The following CDH12 variants were observed in gnomAD, a reference collection of about 807,000 sequenced individuals.
CDH12 encodes cadherin 12, also known as cadherin-12.
Under a neutral mutation model 74.1 loss-of-function variants are expected in CDH12, and 41 were observed. That is an observed-to-expected ratio of 0.55 (90% CI 0.43 to 0.72). The LOEUF (loss-of-function observed/expected upper bound fraction) is 0.72. CDH12 is among the 30% of genes least tolerant of loss of function. The pLI, the probability that CDH12 is intolerant of heterozygous loss-of-function variation, is 0.00. For synonymous variants in CDH12, 399 were observed against 355.0 expected, an observed-to-expected ratio of 1.12 and a Z score of -1.39; for missense variants, 945 against 977.2, an observed-to-expected ratio of 0.97 and a Z score of 0.44.
At chr5:22,442,900 T>A (rs1426013489) in intron 2 of CDH12, among the ~76,000 whole-genome samples, 1 of 152,176 alleles carries the variant, frequency 6.6e-6, no homozygotes. Flanking sequence ...TTTAAGTTAC[T>A]TGTGATATAA....
At chr5:22,110,509 T>C (rs1421632009) in intron 4 of CDH12, among the ~76,000 whole-genome samples, 1 of 151,844 alleles carries the variant, frequency 6.6e-6, no homozygotes, top group East Asian at 1.9e-4. Flanking sequence ...CACTCACTTC[T>C]GATTGGAAGA....
intron 3 of CDH12, among the ~76,000 whole-genome samples, chr5:22,249,054 T>A (rs1753051366): frequency 6.6e-6 from 1 of 152,190 alleles, no homozygotes; most frequent in South Asian, 2.1e-4. Flanking sequence ...ATGATAAATC[T>A]ATATGCTCTT....
intron 1 of CDH12, among the ~76,000 whole-genome samples, chr5:22,852,338 T>A (rs888879831): frequency 6.6e-6 from 1 of 152,232 alleles, no homozygotes; most frequent in African/African-American, 2.4e-5. Flanking sequence ...TATAAAATGC[T>A]GAAGGTCTTT....
intron 5 of CDH12, among the ~76,000 whole-genome samples, chr5:22,057,283 T>C (rs374897707): frequency 5.3e-5 from 8 of 152,192 alleles, no homozygotes; most frequent in African/African-American, 1.2e-4. Flanking sequence ...AGTTTGCCAA[T>C]CACTTATCTA....
chr5:22,078,590 C>G lies in CDH12; in HGVS notation c.87G>C (p.Gln29His). The change falls in exon 5 of 15, where the codon CAG becomes CAC. Residue 29 changes from glutamine to histidine, a missense_variant. By Grantham distance (24) the Gln-to-His change is conservative (BLOSUM62 0). Transcript: ENST00000382254. ...TTTCTCTTGGCTCTGTGGCTAAAGT[C>G]TGCTGTGGCTGTGGTTGTAGTGGTG... Reference protein sequence around the residue: ...LLTPLQPQPQQTLATEPRENV... With the variant: ...LLTPLQPQPQHTLATEPRENV... 1 of 1,613,970 alleles carries G rather than the reference C, an allele frequency of 6.2e-7. No individual in the cohort carries two copies. Among genetic ancestry groups the G allele is most frequent in the Admixed American group, 1.7e-5 (1 of 59,986 alleles).
At chr5:21,901,125 T>A (rs1017097245) in intron 6 of CDH12, among the ~76,000 whole-genome samples, 3 of 152,190 alleles carry the variant, frequency 2.0e-5, no homozygotes, top group Non-Finnish European at 4.4e-5. Context: ...TGATACATTT[T>A]ATAGTACACA....
intron 2 of CDH12, among the ~76,000 whole-genome samples, chr5:22,500,716 C>G (rs1412886475): frequency 1.3e-5 from 2 of 152,234 alleles, no homozygotes; most frequent in African/African-American, 2.4e-5. Context: ...TCCATATTCC[C>G]TTACGAGGTT....
At chr5:22,280,121 T>C (rs1411921238) in intron 3 of CDH12, among the ~76,000 whole-genome samples, 1 of 152,210 alleles carries the variant, frequency 6.6e-6, no homozygotes. Flanking sequence ...ATTTCTCTGA[T>C]GTCCAGTAAT....
chr5:21,843,303 C>T (rs4235534), intron 7 of CDH12, among the ~76,000 whole-genome samples: 10,133 of 152,100 alleles, frequency 0.067, 408 homozygotes, highest in East Asian at 0.14. Context: ...ATAATATCAA[C>T]AAAAATAAAT....
intron 5 of CDH12, among the ~76,000 whole-genome samples, chr5:22,074,417 A>T (rs966608765): frequency 2.0e-5 from 3 of 152,134 alleles, no homozygotes; most frequent in Admixed American, 6.6e-5. Flanking sequence ...GGACTTCATG[A>T]CTAAAACACC....
intron 12 of CDH12, among the ~76,000 whole-genome samples, chr5:21,763,965 T>A (rs1240656642): frequency 6.6e-6 from 1 of 152,138 alleles, no homozygotes; most frequent in Non-Finnish European, 1.5e-5. Context: ...TCAAGTTAGA[T>A]TAAAAGATTT....
intron 1 of CDH12, among the ~76,000 whole-genome samples, chr5:22,793,357 C>A (rs1439831202): frequency 6.6e-6 from 1 of 152,182 alleles, no homozygotes; most frequent in African/African-American, 2.4e-5. Context: ...ACTGTGCCTT[C>A]CTGCTTTTTG....
intron 13 of CDH12, among the ~76,000 whole-genome samples, chr5:21,756,404 G>A (rs1561156442): frequency 6.6e-6 from 1 of 152,068 alleles, no homozygotes; most frequent in Admixed American, 6.6e-5. Context: ...AATAAGATTT[G>A]TTAAAAACAT....
intron 1 of CDH12, among the ~76,000 whole-genome samples, chr5:22,584,560 A>G (rs1740277262): frequency 6.6e-6 from 1 of 152,142 alleles, no homozygotes; most frequent in Non-Finnish European, 1.5e-5. Flanking sequence ...TTTGTGTGTT[A>G]CAAACAATGC....
intron 2 of CDH12, among the ~76,000 whole-genome samples, chr5:22,503,203 T>C (rs535932348): frequency 2.2e-4 from 33 of 152,250 alleles, no homozygotes; most frequent in Non-Finnish European, 4.1e-4. Flanking sequence ...ATTCATACAA[T>C]TACTTAAGTA....
chr5:22,378,894 A>G (rs966039067), intron 3 of CDH12, among the ~76,000 whole-genome samples: 3 of 152,118 alleles, frequency 2.0e-5, no homozygotes, highest in African/African-American at 7.2e-5. Context: ...GGCTTGATGA[A>G]TAATTTCTGC....
intron 1 of CDH12, among the ~76,000 whole-genome samples, chr5:22,634,538 A>C (rs1738736165): frequency 1.3e-5 from 2 of 152,148 alleles, no homozygotes. Flanking sequence ...CATCAGAAAA[A>C]CACAAGTATT....
rs1297513559 is a variant in CDH12 at position 22,749,420 on chromosome 5, G to C, written c.-523+103638C>G. 3.3e-5 allele frequency among the ~76,000 whole-genome samples: 5 copies of C among 152,182 alleles called. No individual in the cohort carries two copies. In the East Asian group the frequency reaches 9.6e-4, roughly 29 times the overall value. ...TATAAAATAACATAATTGAAACACT[G>C]ATGTTTCCTCAAATTCTCTTTAGTT... On this transcript the variant is annotated intron_variant, in intron 1 of 14. Coordinates refer to ENST00000382254, the MANE Select transcript of CDH12 (RefSeq NM_004061.5).
At chr5:22,089,432 C>T (rs1170101869) in intron 4 of CDH12, among the ~76,000 whole-genome samples, 4 of 151,922 alleles carry the variant, frequency 2.6e-5, no homozygotes, top group African/African-American at 9.7e-5. Flanking sequence ...GTCAAAGTAA[C>T]ATTATAAACA....
Sources: gnomAD v4.1 joint callset for allele counts (sites outside exome capture counted in the v4.1 genomes callset) on GRCh38, gnomAD v4.1.1 for gene constraint, MANE v1.5 for transcripts, NCBI Gene and HGNC (gene_info 2026-07-23, HGNC 2026-07-21) for gene names.